The following ANK3 variants were observed in gnomAD, a reference collection of about 807,000 sequenced individuals.
ANK3 encodes ankyrin-3.
In ANK3, 57 loss-of-function variants were observed where a neutral mutation model predicts 370.9. The ratio of observed to expected loss-of-function variants is 0.15; its 90% CI spans 0.12 to 0.19. The LOEUF (loss-of-function observed/expected upper bound fraction) is 0.19. Among genes scored for constraint, ANK3 ranks in the 10% least tolerant of loss-of-function variants. ANK3 has a pLI of 1.00. For synonymous variants in ANK3, 1,929 were observed against 1,946.3 expected (o/e 0.99, Z 0.23); for missense variants, 4,439 against 5,302.1 (o/e 0.84, Z 5.06).
At chr10:60,594,294 C>T (rs961317626) in intron 2 of ANK3, among the ~76,000 whole-genome samples, 1 of 152,152 alleles carries the variant, frequency 6.6e-6, no homozygotes, top group African/African-American at 2.4e-5. Flanking sequence ...AAAAGACTCA[C>T]ACAATCTTAG....
chr10:60,446,422 G>GC (rs887651500), intron 2 of ANK3, among the ~76,000 whole-genome samples: 3 of 152,184 alleles, frequency 2.0e-5, no homozygotes, highest in African/African-American at 7.2e-5. Context: ...TTGCTAGTGA[G>GC]CCCCCCCTTC....
At chr10:60,417,267 C>T (rs1445376638) in intron 2 of ANK3, among the ~76,000 whole-genome samples, 1 of 152,136 alleles carries the variant, frequency 6.6e-6, no homozygotes, top group African/African-American at 2.4e-5. Context: ...AAAAATGAAT[C>T]ATTAGGCCAT....
At chr10:60,417,743 A>C (rs139547104) in intron 2 of ANK3, among the ~76,000 whole-genome samples, 30 of 152,244 alleles carry the variant, frequency 2.0e-4, no homozygotes, top group Non-Finnish European at 4.0e-4. Context: ...AATAAATCAG[A>C]TCCTACTCCC....
intron 2 of ANK3, among the ~76,000 whole-genome samples, chr10:60,599,469 T>G (rs2078031659): frequency 6.6e-6 from 1 of 152,246 alleles, no homozygotes; most frequent in African/African-American, 2.4e-5. Flanking sequence ...TATTTCTATG[T>G]GAGGCAGTTT....
intron 1 of ANK3, among the ~76,000 whole-genome samples, chr10:60,644,730 T>C (rs565806160): frequency 3.4e-4 from 52 of 151,700 alleles, no homozygotes; most frequent in African/African-American, 1.2e-3. Flanking sequence ...TCACGTATCT[T>C]ACAGAAAAGT....
intron 1 of ANK3, among the ~76,000 whole-genome samples, chr10:60,342,463 G>A (rs2054484378): frequency 6.6e-6 from 1 of 152,092 alleles, no homozygotes; most frequent in Non-Finnish European, 1.5e-5. Context: ...GAGAAACCAA[G>A]CATTTAGGAA....
In ANK3 at chr10:60,063,134, T is replaced by C. The variant is rs370340773; in HGVS notation, c.12572A>G (p.Asn4191Ser). 3.7e-6 allele frequency: 6 copies of C among 1,613,016 alleles called. No individual in the cohort carries two copies. Among genetic ancestry groups the C allele is most frequent in the Non-Finnish European group, 4.2e-6 (5 of 1,179,678 alleles). The change falls in exon 40 of 44, where the codon AAT (asparagine) becomes AGT (serine). Residue 4191 changes from asparagine to serine, a missense_variant. Asn to Ser is a conservative substitution (Grantham distance 46). Transcript: ENST00000280772. ...SGTRSFADEN[N>S]VFHDPVDGWQ... ...ACCATCAACAGGGTCATGGAAAACATTGTTCTCATCTGCAAAACTTCTGGT... is the reference window on the plus strand; with the variant it reads ...ACCATCAACAGGGTCATGGAAAACACTGTTCTCATCTGCAAAACTTCTGGT...
At chr10:60,140,053 G>GT (rs2094497453) in intron 23 of ANK3, 1 of 458,624 alleles carries the variant, frequency 2.2e-6, no homozygotes, top group Non-Finnish European at 3.8e-6. Context: ...TTTCTCAAAG[G>GT]TAAGTGATTC....
rs772291971 is a variant in ANK3, at chr10:60,278,882, G to C, written c.316-10C>G. 1.2e-6 allele frequency: 2 copies of C among 1,612,430 alleles called. No individual in the cohort carries two copies. The highest frequency in any genetic ancestry group is 2.2e-5 in the East Asian group (1 of 44,858). ...ATGCTGTGTTTCCTTTCTGTGAAAT[G>C]AAAGTCAAGATATATCAACTCATCG... is the stretch of plus-strand genomic sequence containing the variant. On this transcript the variant is annotated splice_polypyrimidine_tract_variant and intron_variant, in intron 3 of 43. Coordinates refer to ENST00000280772, the MANE Select transcript of ANK3 (RefSeq NM_020987.5).
intron 1 of ANK3, chr10:60,684,676 A>C: frequency 6.3e-7 from 1 of 1,588,244 alleles, no homozygotes; most frequent in Non-Finnish European, 8.6e-7. Flanking sequence ...TAACACTGAG[A>C]AAATTAAGGT....
At chr10:60,202,364 C>T (rs771942828) in intron 12 of ANK3, among the ~76,000 whole-genome samples, 15 of 151,914 alleles carry the variant, frequency 9.9e-5, no homozygotes, top group African/African-American at 2.7e-4. Flanking sequence ...CTCATGTGAC[C>T]GGCCTGCCTC....
rs74647343 is a variant in ANK3, at chr10:60,509,676, T to C, written c.96+105510A>G. ...AAAAATCAAAATGATAACAGTATGG[T>C]TTTATAGCTATTTTCTCCAAGATAG... On this transcript the variant is annotated intron_variant, in intron 2 of 43. Transcript: ENST00000373827. Among the ~76,000 whole-genome samples, 977 of 152,216 alleles carry C rather than the reference T, an allele frequency of 6.4e-3. 2 individuals are homozygous for C. Among genetic ancestry groups the C allele is most frequent in the Non-Finnish European group, 0.012 (784 of 67,990 alleles).
chr10:60,051,603 A>C, intron 42 of ANK3: 13 of 845,294 alleles, frequency 1.5e-5, no homozygotes, highest in African/African-American at 1.8e-5. Context: ...ATCACACTTA[A>C]AATAAAAGAC....
intron 2 of ANK3, among the ~76,000 whole-genome samples, chr10:60,412,001 T>G (rs1380832577): frequency 6.6e-6 from 1 of 152,144 alleles, no homozygotes; most frequent in Non-Finnish European, 1.5e-5. Context: ...CTAAAAGGCT[T>G]ATGAACACCA....
At chr10:60,267,091 C>T (rs1452093942) in intron 5 of ANK3, among the ~76,000 whole-genome samples, 1 of 152,020 alleles carries the variant, frequency 6.6e-6, no homozygotes, top group African/African-American at 2.4e-5. Flanking sequence ...TTGAAGTGTG[C>T]CAGGCTTACT....
At chr10:60,333,429 T>C (rs1454060751) in intron 1 of ANK3, among the ~76,000 whole-genome samples, 2 of 152,206 alleles carry the variant, frequency 1.3e-5, no homozygotes, top group East Asian at 1.9e-4. Flanking sequence ...GTTAGTTTGC[T>C]GAGGATGATG....
intron 7 of ANK3, among the ~76,000 whole-genome samples, chr10:60,238,761 C>T (rs1164303515): frequency 6.6e-6 from 1 of 152,150 alleles, no homozygotes; most frequent in Non-Finnish European, 1.5e-5. Context: ...GTAAACTCAG[C>T]TCAACTCCTG....
chr10:60,539,818 T>C (rs1048785470), intron 2 of ANK3, among the ~76,000 whole-genome samples: 2 of 151,902 alleles, frequency 1.3e-5, no homozygotes, highest in African/African-American at 4.8e-5. Context: ...GTGCCTGCTA[T>C]GAAATCAAGC....
At chr10:60,397,954 A>G (rs1277795192) in intron 2 of ANK3, among the ~76,000 whole-genome samples, 1 of 152,182 alleles carries the variant, frequency 6.6e-6, no homozygotes, top group Non-Finnish European at 1.5e-5. Flanking sequence ...ACTGTGAGGT[A>G]TTCGTTGATT....
Sources: gnomAD v4.1 joint callset for allele counts (sites outside exome capture counted in the v4.1 genomes callset) on GRCh38, gnomAD v4.1.1 for gene constraint, MANE v1.5 for transcripts, NCBI Gene and HGNC (gene_info 2026-07-23, HGNC 2026-07-21) for gene names.